DNAJA3: variants seen among roughly 807,000 people sequenced by gnomAD.
DNAJA3 encodes the protein dnaJ homolog subfamily A member 3, mitochondrial.
Under a neutral mutation model 54.9 loss-of-function variants are expected in DNAJA3, and 29 were observed. That is an observed-to-expected ratio of 0.53 (90% CI 0.39 to 0.72). The LOEUF is 0.72. Ranked by LOEUF, DNAJA3 falls within the 30% of genes least tolerant of loss-of-function variation. The pLI is 0.00. For missense variants in DNAJA3, 708 were observed against 639.4 expected, an observed-to-expected ratio of 1.11 and a Z score of -1.16; for synonymous variants, 302 against 251.4, an observed-to-expected ratio of 1.20 and a Z score of -1.90.
At chr16:4,444,555 C>T (rs1206577783) in intron 6 of DNAJA3, 109 bp from the exon 7 acceptor site, 8 of 890,046 alleles carry the variant, frequency 9.0e-6, no homozygotes, top group Middle Eastern at 2.7e-4. Context: ...AGGATGGTCT[C>T]GATCTCTTGA....
At chr16:4,430,025 G>A (rs1451912623) in intron 1 of DNAJA3, among the ~76,000 whole-genome samples, 1 of 151,562 alleles carries the variant, frequency 6.6e-6, no homozygotes, top group Non-Finnish European at 1.5e-5. Flanking sequence ...GTCATCAACT[G>A]AGAAGCCATG....
In DNAJA3 at chr16:4,434,520, C is replaced by T. The variant is rs1269888908; in HGVS notation, c.345+3C>T. The T allele has an allele frequency of 9.9e-6, 16 of 1,609,456 alleles. No homozygotes were observed. The highest frequency in any genetic ancestry group is 1.3e-5 in the Non-Finnish European group (15 of 1,178,934). On this transcript the variant is annotated splice_donor_region_variant and intron_variant, in intron 2 of 11. Coordinates refer to ENST00000262375, the MANE Select transcript of DNAJA3 (RefSeq NM_005147.6). Reference sequence around the variant, plus strand: ...AGATCAAGAAAGCCTATTATCAGGTCTGTATGGAAGTCAGGTTTTGGTGAC... The same window carrying T: ...AGATCAAGAAAGCCTATTATCAGGTTTGTATGGAAGTCAGGTTTTGGTGAC...
At chr16:4,429,896 C>G (rs1194219747) in intron 1 of DNAJA3, among the ~76,000 whole-genome samples, 1 of 151,824 alleles carries the variant, frequency 6.6e-6, no homozygotes, top group East Asian at 1.9e-4. Context: ...GCTTGGGAGG[C>G]TGAGGTGGGA....
intron 4 of DNAJA3, 121 bp from the exon 5 acceptor site, chr16:4,442,147 A>G (rs1425811697): frequency 6.7e-6 from 7 of 1,042,724 alleles, no homozygotes; most frequent in Non-Finnish European, 9.5e-6. Flanking sequence ...GAGTGCAAGT[A>G]AGTACAGTGG....
intron 8 of DNAJA3, among the ~76,000 whole-genome samples, chr16:4,448,471 G>A (rs1416257341): frequency 6.6e-6 from 1 of 151,940 alleles, no homozygotes; most frequent in Non-Finnish European, 1.5e-5. Flanking sequence ...AGCCTCCTGA[G>A]TAGCTGAGAT....
intron 1 of DNAJA3, among the ~76,000 whole-genome samples, chr16:4,428,383 A>T: frequency 6.6e-6 from 1 of 152,208 alleles, no homozygotes. Flanking sequence ...AGATTTTTCA[A>T]CATGAGCAAA....
chr16:4,446,294 A>G (rs1596368488), intron 7 of DNAJA3, among the ~76,000 whole-genome samples: 1 of 138,798 alleles, frequency 7.2e-6, no homozygotes, highest in Non-Finnish European at 1.5e-5. Context: ...CTCAGGCTGG[A>G]GTGCAGTGGT....
chr16:4,439,833 C>G (rs2056817687), intron 3 of DNAJA3, among the ~76,000 whole-genome samples: 1 of 152,156 alleles, frequency 6.6e-6, no homozygotes, highest in Non-Finnish European at 1.5e-5. Flanking sequence ...TTACCCTAGG[C>G]ACCAAGCTGT....
In DNAJA3 at chr16:4,448,400, A is replaced by G. The variant is rs1194938384; in HGVS notation, c.1126-333A>G. On this transcript the variant is annotated intron_variant, in intron 8 of 11. Transcript: ENST00000262375. ...CTCTGTCAGCCAGAGCTGGAGTGCA[A>G]TGGCACAATCTTGGCTCACTGCAAC... Among the ~76,000 whole-genome samples, 7 of 151,020 alleles carry G rather than the reference A, an allele frequency of 4.6e-5. No homozygotes were observed. In the South Asian group the frequency reaches 1.0e-3, roughly 23 times the overall value.
rs1221441221 is a variant in DNAJA3 at position 4,455,610 on chromosome 16, A to T, written c.*78A>T. On this transcript the variant is annotated 3_prime_UTR_variant, in exon 12 of 12. Transcript: ENST00000262375. ...CCCTCCAAGGGCCAGGGCACCTGGG[A>T]GACGGGAGGATTCCAGAACAGCAGC... The T allele has an allele frequency of 1.9e-6, 3 of 1,550,998 alleles. No homozygotes were observed. In the African/African-American group the frequency reaches 4.1e-5, roughly 21 times the overall value.
At chr16:4,450,116 A>T (rs1034858764) in intron 9 of DNAJA3, 5 of 368,842 alleles carry the variant, frequency 1.4e-5, no homozygotes, top group Non-Finnish European at 2.4e-5. Context: ...CTTGCTTCAC[A>T]TACACACTGG....
Position 4,456,449 on chromosome 16 carries a change from T to C in DNAJA3, c.*917T>C, listed in dbSNP as rs577059481. 1 of 152,800 alleles carries C rather than the reference T, an allele frequency of 6.5e-6. No individual in the cohort carries two copies. Among genetic ancestry groups the C allele is most frequent in the East Asian group, 1.9e-4 (1 of 5,190 alleles). The allele number at this position is 152,800 out of a possible 1,614,324, so 9.5% of individuals were successfully genotyped here. A position where few individuals can be genotyped will look rare whatever the true frequency, so the allele number is the denominator to read the frequency against. Reference sequence around the variant, plus strand: ...TCTGAAGTGTGTTTAAATTATTCAGTGCTAATCATTGTTTTTTCCTTTGTA... The same window carrying C: ...TCTGAAGTGTGTTTAAATTATTCAGCGCTAATCATTGTTTTTTCCTTTGTA... On this transcript the variant is annotated 3_prime_UTR_variant, in exon 12 of 12. Transcript: ENST00000262375.
chr16:4,441,543 G>A lies in DNAJA3; in HGVS notation c.598G>A (p.Asp200Asn), dbSNP rs755463733. The change falls in exon 4 of 12, where the codon GAT (aspartate) becomes AAT (asparagine). Residue 200 changes from aspartate (D) to asparagine (N), a missense_variant. By Grantham distance (23) the Asp-to-Asn change is conservative. Coordinates refer to ENST00000262375, the MANE Select transcript of DNAJA3 (RefSeq NM_005147.6). ...FGEFSSSSFG[D>N]FQTVFDQPQE... The stretch of plus-strand genomic sequence containing the variant: ...CGAGTTCTCATCCTCTTCATTTGGA[G>A]ATTTCCAGACCGTGTTTGATCAGCC... 1.2e-6 allele frequency: 2 copies of A among 1,614,166 alleles called. No individual in the cohort carries two copies. The highest frequency in any genetic ancestry group is 8.5e-7 in the Non-Finnish European group (1 of 1,180,050).
intron 8 of DNAJA3, 133 bp from the exon 9 acceptor site, chr16:4,448,600 C>G: frequency 3.0e-6 from 2 of 670,194 alleles, no homozygotes; most frequent in Non-Finnish European, 5.2e-6. Flanking sequence ...CCTCGACCTC[C>G]CAAAGTGATG....
chr16:4,443,118 A>G lies in DNAJA3; in HGVS notation c.885A>G (p.Ala295=). 1 of 1,614,046 alleles carries G rather than the reference A, an allele frequency of 6.2e-7. No individual in the cohort carries two copies. The highest frequency in any genetic ancestry group is 8.5e-7 in the Non-Finnish European group (1 of 1,180,018). ...IISPCVVCRG[A]GQAKQKKRVM... ...CGCCCTGTGTGGTCTGCAGGGGAGC[A>G]GGACAAGCCAAGCAGAAAAAGCGAG... Residue 295 remains alanine, a synonymous_variant, in exon 6 of 12, where the codon GCA becomes GCG. Transcript: ENST00000262375.
At chr16:4,438,060 T>C (rs2056793192) in intron 3 of DNAJA3, among the ~76,000 whole-genome samples, 1 of 151,982 alleles carries the variant, frequency 6.6e-6, no homozygotes. Flanking sequence ...CTCATGCCTG[T>C]AATCCCAACA....
Position 4,455,661 on chromosome 16 carries a change from T to G in DNAJA3, c.*129T>G. On this transcript the variant is annotated 3_prime_UTR_variant, in exon 12 of 12. Coordinates refer to ENST00000262375, the MANE Select transcript of DNAJA3 (RefSeq NM_005147.6). ...ACTGAGCTCCCACCCGCAGAGCCTC[T>G]GGACGGCCTTGGCAACAGCAAAATC... is the stretch of plus-strand genomic sequence containing the variant. 1.4e-6 allele frequency: 2 copies of G among 1,451,526 alleles called. No homozygotes were observed. The highest frequency in any genetic ancestry group is 1.9e-6 in the Non-Finnish European group (2 of 1,057,402). The allele number at this position is 1,451,526 out of a possible 1,614,324, so 89.9% of individuals were successfully genotyped here.
chr16:4,430,908 G>GT (rs1376596237), intron 1 of DNAJA3: 2 of 152,040 alleles, frequency 1.3e-5, no homozygotes, highest in African/African-American at 2.4e-5. Context: ...GCCAGGTGTG[G>GT]TGGTGTGCGC....
In DNAJA3 at chr16:4,437,592, A is replaced by T. The variant is rs2056787073; in HGVS notation, c.429+107A>T. The T allele has an allele frequency of 4.8e-6, 4 of 837,600 alleles. No homozygotes were observed. The East Asian group carries it at 1.1e-4, about 22-fold the overall frequency. 51.9% of individuals were successfully genotyped at this position (837,600 alleles called of 1,614,324 possible). Reference sequence around the variant, plus strand: ...TGGTGTGTCATACAGTCCAGTGTGAAGGCCATGTCCCTGCGCCAAGTAATC... The same window carrying T: ...TGGTGTGTCATACAGTCCAGTGTGATGGCCATGTCCCTGCGCCAAGTAATC... On this transcript the variant is annotated intron_variant, in intron 3 of 11. Transcript: ENST00000262375.
Sources: allele counts gnomAD v4.1 joint callset (sites outside exome capture counted in the v4.1 genomes callset), GRCh38; gene constraint gnomAD v4.1.1; transcripts MANE v1.5; gene names NCBI Gene and HGNC (gene_info 2026-07-23, HGNC 2026-07-21).